DCHS2: variants seen among roughly 807,000 people sequenced by gnomAD.
The protein encoded by DCHS2 is protocadherin-23.
In DCHS2, 142 loss-of-function variants were observed where a neutral mutation model predicts 182.4. That is an observed-to-expected ratio of 0.78 (90% CI 0.68 to 0.89). The LOEUF is 0.89. DCHS2 is among the 40% of genes least tolerant of loss of function. The pLI, the probability that DCHS2 is intolerant of heterozygous loss-of-function variation, is 0.00. For synonymous variants in DCHS2, 1,740 were observed against 1,663.3 expected (o/e 1.05, Z -1.12); for missense variants, 4,319 against 4,198.6 (o/e 1.03, Z -0.79).
At chr4:154,304,360 T>C (rs896169326) in intron 12 of DCHS2, among the ~76,000 whole-genome samples, 1 of 152,056 alleles carries the variant, frequency 6.6e-6, no homozygotes, top group South Asian at 2.1e-4. Context: ...AAGGTGGCTG[T>C]GAGAAGGAGG....
chr4:154,420,178 G>A (rs1223619146), intron 1 of DCHS2, among the ~76,000 whole-genome samples: 1 of 151,790 alleles, frequency 6.6e-6, no homozygotes, highest in Non-Finnish European at 1.5e-5. Context: ...ACCAGATGGA[G>A]AGAAGAAGTG....
chr4:154,313,249 G>A (rs1735735563), intron 10 of DCHS2, among the ~76,000 whole-genome samples: 2 of 152,160 alleles, frequency 1.3e-5, no homozygotes, highest in South Asian at 4.1e-4. Flanking sequence ...TGGCGCTCTT[G>A]TTGATGGCAC....
chr4:154,449,888 G>A (rs1734464468), intron 1 of DCHS2, among the ~76,000 whole-genome samples: 1 of 152,126 alleles, frequency 6.6e-6, no homozygotes, highest in African/African-American at 2.4e-5. Context: ...CATAGCTTTT[G>A]TAACTACACA....
At chr4:154,373,818 G>A (rs922056213) in intron 2 of DCHS2, 3 of 902,762 alleles carry the variant, frequency 3.3e-6, no homozygotes, top group Non-Finnish European at 5.3e-6. Context: ...TGGAGAAGGT[G>A]TGCAAGCACT....
At chr4:154,439,865 C>A (rs560638112) in intron 1 of DCHS2, among the ~76,000 whole-genome samples, 1 of 152,142 alleles carries the variant, frequency 6.6e-6, no homozygotes, top group Non-Finnish European at 1.5e-5. Flanking sequence ...ACGAAAATAG[C>A]TAGTATTTCT....
intron 1 of DCHS2, among the ~76,000 whole-genome samples, chr4:154,480,008 A>T (rs907126860): frequency 2.0e-5 from 3 of 152,214 alleles, no homozygotes; most frequent in Non-Finnish European, 4.4e-5. Flanking sequence ...ATTATTTTTA[A>T]CCGTTCCTAC....
chr4:154,280,440 A>G (rs1415969624), intron 13 of DCHS2, among the ~76,000 whole-genome samples: 1 of 152,120 alleles, frequency 6.6e-6, no homozygotes, highest in Non-Finnish European at 1.5e-5. Context: ...CTTCAGACCA[A>G]TCTCCCTGAT....
intron 16 of DCHS2, among the ~76,000 whole-genome samples, chr4:154,255,256 A>C (rs1356655953): frequency 6.6e-6 from 1 of 152,246 alleles, no homozygotes; most frequent in Non-Finnish European, 1.5e-5. Context: ...AGTGCTTAAT[A>C]GCATCACAAA....
intron 1 of DCHS2, among the ~76,000 whole-genome samples, chr4:154,461,256 A>G (rs1442015330): frequency 2.6e-5 from 4 of 152,230 alleles, no homozygotes; most frequent in Non-Finnish European, 4.4e-5. Flanking sequence ...CTTTTCTTCT[A>G]TGAAATATCA....
chr4:154,235,064 G>T lies in DCHS2; in HGVS notation c.9588C>A (p.Ile3196=). ...CAGACTCTTTTCTAACGTCAGCCAG[G>T]ATGCTCTCTTTTGCCTCTCTCTTCT... ...TVQKREAKES[I]LADVRKESVF... The change falls in exon 20 of 20, where the codon ATC becomes ATA. Residue 3196 remains isoleucine, a synonymous_variant. Coordinates refer to ENST00000357232, the MANE Select transcript of DCHS2 (RefSeq NM_001358235.2). The T allele has an allele frequency of 1.9e-6, 3 of 1,613,912 alleles. No homozygotes were observed. The highest frequency in any genetic ancestry group is 2.5e-6 in the Non-Finnish European group (3 of 1,179,948).
intron 12 of DCHS2, among the ~76,000 whole-genome samples, chr4:154,300,629 G>T (rs531034155): frequency 2.6e-5 from 4 of 151,992 alleles, no homozygotes; most frequent in South Asian, 4.1e-4. Flanking sequence ...GGTACAGGCT[G>T]CAGTGAGCTG....
chr4:154,329,436 G>T lies in DCHS2; in HGVS notation c.3918+87C>A, dbSNP rs533324384. The T allele has an allele frequency of 8.6e-5, 114 of 1,325,540 alleles. No homozygotes were observed. The African/African-American group carries it at 1.5e-3, about 17-fold the overall frequency. 82.1% of individuals were successfully genotyped at this position (1,325,540 alleles called of 1,614,324 possible). A position where few individuals can be genotyped will look rare whatever the true frequency, so the allele number is the denominator to read the frequency against. On this transcript the variant is annotated intron_variant, in intron 6 of 19. Transcript: ENST00000357232. ...TGCTTTGCCACACCAAGACTGATGT[G>T]ATAAATTCACAGGTTTTACCACAAG... is the stretch of plus-strand genomic sequence containing the variant.
chr4:154,399,258 C>A (rs1176485978), intron 1 of DCHS2, among the ~76,000 whole-genome samples: 1 of 152,206 alleles, frequency 6.6e-6, no homozygotes, highest in Non-Finnish European at 1.5e-5. Flanking sequence ...CCTACCCACC[C>A]TCTCCCTTTG....
chr4:154,261,569 A>T (rs1732986202), intron 14 of DCHS2, among the ~76,000 whole-genome samples: 1 of 152,144 alleles, frequency 6.6e-6, no homozygotes. Flanking sequence ...TAGTCCAAGA[A>T]GCTTTAGGTC....
intron 1 of DCHS2, among the ~76,000 whole-genome samples, chr4:154,423,629 T>C (rs1733200080): frequency 6.6e-6 from 1 of 152,220 alleles, no homozygotes; most frequent in Non-Finnish European, 1.5e-5. Context: ...TTTTCATCAC[T>C]GAAATAATAA....
chr4:154,391,613 C>A (rs1422377224), intron 1 of DCHS2, among the ~76,000 whole-genome samples: 5 of 152,148 alleles, frequency 3.3e-5, no homozygotes, highest in Non-Finnish European at 2.9e-5. Flanking sequence ...ACTGGGCCAG[C>A]CAACCTCATC....
In DCHS2 at chr4:154,335,070, C is replaced by CA; in HGVS notation, c.2510dup (p.Leu837PhefsTer23). On this transcript the variant is annotated frameshift_variant, in exon 4 of 20. Coordinates refer to ENST00000357232, the MANE Select transcript of DCHS2 (RefSeq NM_001358235.2). LOFTEE classifies it high-confidence loss of function. ...CCATCAACGAAAGTGTGGTAGATTC[C>CA]AAATGACTAAGAGGTAATGTTAAGT... 6.2e-7 allele frequency: 1 copy of CA among 1,612,676 alleles called. No individual in the cohort carries two copies. The highest frequency in any genetic ancestry group is 8.5e-7 in the Non-Finnish European group (1 of 1,178,722).
chr4:154,368,261 C>T (rs1433577698), intron 2 of DCHS2, among the ~76,000 whole-genome samples: 1 of 152,092 alleles, frequency 6.6e-6, no homozygotes, highest in Admixed American at 6.5e-5. Flanking sequence ...TGCCACAGAC[C>T]CTGCTGCTGC....
chr4:154,391,148 T>A (rs1560730133), intron 1 of DCHS2: 1 of 1,606,048 alleles, frequency 6.2e-7, no homozygotes. Context: ...TACTTATTTT[T>A]AATTTTTGTT....
Sources: gnomAD v4.1 joint callset for allele counts (sites outside exome capture counted in the v4.1 genomes callset) on GRCh38, gnomAD v4.1.1 for gene constraint, MANE v1.5 for transcripts, NCBI Gene and HGNC (gene_info 2026-07-23, HGNC 2026-07-21) for gene names.